DNTTIP1: variants seen among roughly 807,000 people sequenced by gnomAD.
The protein encoded by DNTTIP1 is deoxynucleotidyltransferase terminal-interacting protein 1.
In DNTTIP1, 22 loss-of-function variants were observed where a neutral mutation model predicts 52.9. The observed-to-expected ratio is 0.42, with a 90% CI of 0.30 to 0.59. The LOEUF (loss-of-function observed/expected upper bound fraction) is 0.59, where lower values mean the gene tolerates loss of function less well. Among genes scored for constraint, DNTTIP1 ranks in the 20% least tolerant of loss-of-function variants. The pLI, the probability that DNTTIP1 is intolerant of heterozygous loss-of-function variation, is 0.22. For synonymous variants in DNTTIP1, 136 were observed against 155.1 expected, an observed-to-expected ratio of 0.88 and a Z score of 0.92; for missense variants, 286 against 435.5, an observed-to-expected ratio of 0.66 and a Z score of 3.06.
intron 6 of DNTTIP1, 57 bp from the exon 7 acceptor site, chr20:45,801,942 A>G (rs566920726): frequency 1.4e-5 from 22 of 1,550,724 alleles, no homozygotes; most frequent in South Asian, 5.6e-5. Flanking sequence ...GGACCTGCCA[A>G]TGGGGTATGG....
chr20:45,799,018 G>A (rs868359483), intron 4 of DNTTIP1, among the ~76,000 whole-genome samples: 1 of 152,210 alleles, frequency 6.6e-6, no homozygotes, highest in African/African-American at 2.4e-5. Context: ...CACTGGAAAG[G>A]GACAAAGTTT....
At chr20:45,800,723 A>G (rs867462019) in intron 4 of DNTTIP1, among the ~76,000 whole-genome samples, 1 of 19,444 alleles carries the variant, frequency 5.1e-5, no homozygotes, top group Non-Finnish European at 1.7e-4. Context: ...ATATATATAT[A>G]TATATATATA....
intron 4 of DNTTIP1, among the ~76,000 whole-genome samples, chr20:45,796,906 A>T (rs984335684): frequency 6.6e-6 from 1 of 151,938 alleles, no homozygotes; most frequent in African/African-American, 2.4e-5. Context: ...GAGTGCCTTG[A>T]CTTTGCTCCA....
intron 4 of DNTTIP1, among the ~76,000 whole-genome samples, chr20:45,798,466 AAAACTT>A (rs968124675): frequency 1.3e-5 from 2 of 152,028 alleles, no homozygotes; most frequent in Non-Finnish European, 1.5e-5. Context: ...CATGTACCCT[AAAACTT>A]AAAGTATAAT....
chr20:45,794,624 C>T (rs1981172106), intron 3 of DNTTIP1, among the ~76,000 whole-genome samples: 1 of 151,770 alleles, frequency 6.6e-6, no homozygotes, highest in Non-Finnish European at 1.5e-5. Context: ...TAACAAGTGT[C>T]CAATAAGTAT....
intron 4 of DNTTIP1, among the ~76,000 whole-genome samples, chr20:45,800,691 AAAAATATATATATATATAT>A (rs1701127033): frequency 5.3e-5 from 3 of 57,102 alleles, no homozygotes; most frequent in African/African-American, 1.9e-4. Flanking sequence ...AAAAAAAAAA[AAAAATATATATATATATAT>A]ATATATATAT....
chr20:45,808,776 A>G (rs1431735043), intron 10 of DNTTIP1, among the ~76,000 whole-genome samples: 1 of 152,206 alleles, frequency 6.6e-6, no homozygotes, highest in African/African-American at 2.4e-5. Flanking sequence ...TATGGTCACC[A>G]TAATAATTAC....
chr20:45,792,361 CTTG>C (rs1243459062), intron 1 of DNTTIP1, among the ~76,000 whole-genome samples: 2 of 152,226 alleles, frequency 1.3e-5, no homozygotes, highest in Non-Finnish European at 2.9e-5. Flanking sequence ...TCTCATAAAA[CTTG>C]TTGTGGGATG....
At chr20:45,800,755 A>G (rs1388465033) in intron 4 of DNTTIP1, among the ~76,000 whole-genome samples, 2 of 119,206 alleles carry the variant, frequency 1.7e-5, no homozygotes, top group African/African-American at 3.4e-5. Context: ...ATATATATAT[A>G]TTTGGAAGTG....
At chr20:45,803,856 G>T (rs1340305258) in intron 8 of DNTTIP1, among the ~76,000 whole-genome samples, 6 of 152,166 alleles carry the variant, frequency 3.9e-5, no homozygotes, top group Non-Finnish European at 7.3e-5. Context: ...ACTCGTAAGT[G>T]ATCGAGCTGA....
chr20:45,794,507 C>CT (rs148427742), intron 3 of DNTTIP1, among the ~76,000 whole-genome samples: 8 of 151,672 alleles, frequency 5.3e-5, no homozygotes, highest in East Asian at 3.9e-4. Context: ...ATTCAGATAC[C>CT]TTTTTTTTTT....
chr20:45,809,328 C>T lies in DNTTIP1; in HGVS notation c.795+143C>T, dbSNP rs976077196. 9.9e-6 allele frequency: 7 copies of T among 708,636 alleles called. No individual in the cohort carries two copies. The highest frequency in any genetic ancestry group is 1.7e-5 in the Non-Finnish European group (7 of 410,980). The allele number at this position is 708,636 out of a possible 1,614,324, so 43.9% of individuals were successfully genotyped here. A position where few individuals can be genotyped will look rare whatever the true frequency, so the allele number is the denominator to read the frequency against. On this transcript the variant is annotated intron_variant, in intron 11 of 12. Transcript: ENST00000372622. The surrounding 1 kb of genome is among the most constrained non-coding windows in gnomAD (Gnocchi z 4.2). ...GAAGAGAGACTTATAAGGCCTATTT[C>T]TTCATGCTGAAGAGCAAATTGTAAT...
intron 4 of DNTTIP1, chr20:45,796,697 T>C: frequency 1.0e-5 from 4 of 388,650 alleles, no homozygotes; most frequent in Non-Finnish European, 2.1e-5. Flanking sequence ...GCTCACTTTC[T>C]CACCTCCTAT....
chr20:45,795,034 G>A (rs1360892767), intron 3 of DNTTIP1, among the ~76,000 whole-genome samples: 15 of 151,854 alleles, frequency 9.9e-5, no homozygotes, highest in African/African-American at 2.4e-4. Flanking sequence ...TCCTGACCTC[G>A]TGATCCGCCC....
At chr20:45,798,405 C>T (rs1263838838) in intron 4 of DNTTIP1, among the ~76,000 whole-genome samples, 1 of 151,914 alleles carries the variant, frequency 6.6e-6, no homozygotes, top group Non-Finnish European at 1.5e-5. Context: ...CTGGGTGCAG[C>T]ACACCAACAA....
Position 45,809,331 on chromosome 20 carries a change from C to T in DNTTIP1, c.795+146C>T. On this transcript the variant is annotated intron_variant, in intron 11 of 12. Transcript: ENST00000372622. This position sits in a 1 kb window ranked among gnomAD's most constrained non-coding sequence, Gnocchi z 4.2. ...GAGAGACTTATAAGGCCTATTTCTTCATGCTGAAGAGCAAATTGTAATCTT... is the reference window on the plus strand; with the variant it reads ...GAGAGACTTATAAGGCCTATTTCTTTATGCTGAAGAGCAAATTGTAATCTT... The T allele has an allele frequency of 1.4e-6, 1 of 691,630 alleles. No individual in the cohort carries two copies. Among genetic ancestry groups the T allele is most frequent in the Non-Finnish European group, 2.5e-6 (1 of 399,062 alleles). The allele number at this position is 691,630 out of a possible 1,614,324, so 42.8% of individuals were successfully genotyped here.
chr20:45,799,952 C>CAAA (rs11360135), intron 4 of DNTTIP1, among the ~76,000 whole-genome samples: 14 of 125,490 alleles, frequency 1.1e-4, no homozygotes, highest in African/African-American at 3.8e-4. Flanking sequence ...CTAAAAATAC[C>CAAA]AAAAAAAAAA....
In DNTTIP1 at chr20:45,807,482, G is replaced by A. The variant is rs373476826; in HGVS notation, c.724-1632G>A. On this transcript the variant is annotated intron_variant, in intron 10 of 12. Transcript: ENST00000372622. ...CTTTTCAGTCATTTAGAATCTATTT[G>A]TATTTCTTCTGTAAGCTGCCTGTTA... Among the ~76,000 whole-genome samples, 741 of 152,222 alleles carry A rather than the reference G, an allele frequency of 4.9e-3. 5 individuals are homozygous for A. The highest frequency in any genetic ancestry group is 0.01 in the Middle Eastern group (3 of 294).
At position 45,809,029 on chromosome 20, in the gene DNTTIP1, C is replaced by T; in HGVS notation, c.724-85C>T. On this transcript the variant is annotated intron_variant, in intron 10 of 12. Coordinates refer to ENST00000372622, the MANE Select transcript of DNTTIP1 (RefSeq NM_052951.3). This position sits in a 1 kb window ranked among gnomAD's most constrained non-coding sequence, Gnocchi z 4.2. ...AGACAAGGACTTTTGGTAAGAACTG[C>T]TCAAGGGCCAAGAGTATGCTCTGGG... is the stretch of plus-strand genomic sequence containing the variant. 8.1e-7 allele frequency: 1 copy of T among 1,227,886 alleles called. No individual in the cohort carries two copies. Among genetic ancestry groups the T allele is most frequent in the Non-Finnish European group, 1.2e-6 (1 of 839,254 alleles). 76.1% of individuals were successfully genotyped at this position (1,227,886 alleles called of 1,614,324 possible).
Sources: allele counts gnomAD v4.1 joint callset (sites outside exome capture counted in the v4.1 genomes callset), GRCh38; gene constraint gnomAD v4.1.1; non-coding constraint Gnocchi (gnomAD v3.1); transcripts MANE v1.5; gene names NCBI Gene and HGNC (gene_info 2026-07-23, HGNC 2026-07-21).